The following RNF152 variants were observed in gnomAD, a reference collection of about 807,000 sequenced individuals.
The protein encoded by RNF152 is ring finger protein 152.
Under a neutral mutation model 12.7 loss-of-function variants are expected in RNF152, and 11 were observed. The observed-to-expected ratio is 0.86, with a 90% confidence interval of 0.54 to 1.43. The LOEUF (loss-of-function observed/expected upper bound fraction) is 1.43. Among genes scored for constraint, RNF152 ranks in the 40% most tolerant of loss-of-function variants. The pLI, the probability that RNF152 is intolerant of heterozygous loss-of-function variation, is 0.00. For missense variants in RNF152, 255 were observed against 274.8 expected, an observed-to-expected ratio of 0.93 and a Z score of 0.51; for synonymous variants, 113 against 120.3, an observed-to-expected ratio of 0.94 and a Z score of 0.40.
At chr18:61,821,477 T>C (rs1909405386) in intron 1 of RNF152, among the ~76,000 whole-genome samples, 1 of 152,234 alleles carries the variant, frequency 6.6e-6, no homozygotes, top group Admixed American at 6.5e-5. Flanking sequence ...GTGAAGCTAA[T>C]GATGGATCAT....
intron 1 of RNF152, among the ~76,000 whole-genome samples, chr18:61,838,423 C>T (rs1158047711): frequency 6.6e-6 from 1 of 152,182 alleles, no homozygotes; most frequent in African/African-American, 2.4e-5. Context: ...GTCATACTTA[C>T]ATCCTCCCAT....
At chr18:61,877,565 C>T (rs1912267781) in intron 1 of RNF152, among the ~76,000 whole-genome samples, 1 of 152,170 alleles carries the variant, frequency 6.6e-6, no homozygotes, top group Non-Finnish European at 1.5e-5. Context: ...ACTGCCAGTA[C>T]ACTTGAGGTT....
chr18:61,873,069 C>T (rs866310067), intron 1 of RNF152, among the ~76,000 whole-genome samples: 30 of 152,136 alleles, frequency 2.0e-4, no homozygotes, highest in East Asian at 9.6e-4. Flanking sequence ...GGTTCTGTCC[C>T]GGTTCTGCCA....
intron 1 of RNF152, 132 bp from the exon 2 acceptor site, chr18:61,816,730 G>A (rs1368079133): frequency 2.6e-6 from 1 of 378,120 alleles, no homozygotes; most frequent in African/African-American, 2.1e-5. Flanking sequence ...TACCAGTCTT[G>A]AGACTACAGG....
chr18:61,829,880 T>C (rs1435315287), intron 1 of RNF152, among the ~76,000 whole-genome samples: 1 of 152,084 alleles, frequency 6.6e-6, no homozygotes, highest in Non-Finnish European at 1.5e-5. Flanking sequence ...TTGTGAAGAC[T>C]TCAGGGGGGC....
At chr18:61,828,775 G>A (rs1909789097) in intron 1 of RNF152, among the ~76,000 whole-genome samples, 1 of 152,140 alleles carries the variant, frequency 6.6e-6, no homozygotes, top group African/African-American at 2.4e-5. Context: ...TGCATATTGA[G>A]TATAAGGCAC....
intron 1 of RNF152, chr18:61,875,143 G>A (rs1271028494): frequency 6.6e-6 from 1 of 152,202 alleles, no homozygotes; most frequent in Non-Finnish European, 1.5e-5. Context: ...AAGGATAGAG[G>A]AAGAAAGGGA....
intron 1 of RNF152, among the ~76,000 whole-genome samples, chr18:61,853,098 C>T (rs1911058987): frequency 6.6e-6 from 1 of 152,172 alleles, no homozygotes; most frequent in Non-Finnish European, 1.5e-5. Flanking sequence ...ACTACAAGAA[C>T]TGGGATAGGC....
chr18:61,869,463 C>T (rs1351645010), intron 1 of RNF152, among the ~76,000 whole-genome samples: 1 of 152,146 alleles, frequency 6.6e-6, no homozygotes, highest in Non-Finnish European at 1.5e-5. Flanking sequence ...TGTGGAATGC[C>T]CTGTCACCTC....
At chr18:61,885,539 C>T (rs948397495) in intron 1 of RNF152, among the ~76,000 whole-genome samples, 1 of 151,978 alleles carries the variant, frequency 6.6e-6, no homozygotes, top group Non-Finnish European at 1.5e-5. Flanking sequence ...AACTCCTGAC[C>T]TCAAGTAATC....
In RNF152 at chr18:61,845,618, C is replaced by T. The variant is rs545944111; in HGVS notation, c.-135-29020G>A. Among the ~76,000 whole-genome samples the T allele has an allele frequency of 3.3e-5, 5 of 152,288 alleles. No homozygotes were observed. The South Asian group carries it at 6.2e-4, about 19-fold the overall frequency. On this transcript the variant is annotated intron_variant, in intron 1 of 1. Coordinates refer to ENST00000312828, the MANE Select transcript of RNF152 (RefSeq NM_173557.3). The stretch of plus-strand genomic sequence containing the variant: ...TAGATACATTTGTACTTTAAGACAT[C>T]GAAGGGTTTATGTGAAGTCAATTTT...
At chr18:61,867,232 A>G (rs990328635) in intron 1 of RNF152, among the ~76,000 whole-genome samples, 12 of 152,124 alleles carry the variant, frequency 7.9e-5, no homozygotes, top group Admixed American at 4.6e-4. Flanking sequence ...AGGTGGATCA[A>G]TTGAGGTCAG....
chr18:61,863,076 G>A (rs1052003906), intron 1 of RNF152, among the ~76,000 whole-genome samples: 2 of 152,142 alleles, frequency 1.3e-5, no homozygotes, highest in Non-Finnish European at 2.9e-5. Context: ...GTTAACCAAA[G>A]GTTCTGGCAG....
chr18:61,891,761 C>T (rs1031407770), intron 1 of RNF152, among the ~76,000 whole-genome samples: 3 of 152,162 alleles, frequency 2.0e-5, no homozygotes, highest in Non-Finnish European at 4.4e-5. Context: ...AATAATAAAT[C>T]TTTCAAGTTT....
intron 1 of RNF152, among the ~76,000 whole-genome samples, chr18:61,854,723 T>A (rs759981681): frequency 1.2e-4 from 19 of 152,156 alleles, no homozygotes; most frequent in Non-Finnish European, 1.3e-4. Flanking sequence ...CTCCTTTCAC[T>A]AGCACATCAG....
intron 1 of RNF152, among the ~76,000 whole-genome samples, chr18:61,876,440 A>C (rs766272359): frequency 4.6e-5 from 7 of 152,248 alleles, no homozygotes; most frequent in Non-Finnish European, 8.8e-5. Flanking sequence ...AAGTTGAGAA[A>C]GTACACTCAG....
chr18:61,837,356 C>T (rs1460504829), intron 1 of RNF152, among the ~76,000 whole-genome samples: 2 of 152,150 alleles, frequency 1.3e-5, no homozygotes, highest in East Asian at 3.8e-4. Context: ...AAAATATGAA[C>T]TGCATATTAG....
intron 1 of RNF152, among the ~76,000 whole-genome samples, chr18:61,851,479 C>T (rs566202828): frequency 1.3e-5 from 2 of 152,278 alleles, no homozygotes; most frequent in South Asian, 4.1e-4. Context: ...GAACTGTGCC[C>T]AGTTTTCTCC....
At chr18:61,850,802 A>G (rs1409614708) in intron 1 of RNF152, among the ~76,000 whole-genome samples, 1 of 152,144 alleles carries the variant, frequency 6.6e-6, no homozygotes, top group East Asian at 1.9e-4. Context: ...GAGCTTACTC[A>G]CCTCCTACCT....
Sources: gnomAD v4.1 joint callset for allele counts (sites outside exome capture counted in the v4.1 genomes callset) on GRCh38, gnomAD v4.1.1 for gene constraint, MANE v1.5 for transcripts, NCBI Gene and HGNC (gene_info 2026-07-23, HGNC 2026-07-21) for gene names.